Variants in PARP12 observed in about 807,000 individuals in gnomAD.
PARP12 encodes the protein poly(ADP-ribose) polymerase family member 12.
In PARP12, 59 loss-of-function variants were observed where a neutral mutation model predicts 72.4. The observed-to-expected ratio is 0.81, with a 90% CI of 0.66 to 1.01. The LOEUF (loss-of-function observed/expected upper bound fraction) is 1.01. Ranked by LOEUF, PARP12 falls within the 50% of genes least tolerant of loss-of-function variation. The probability of loss-of-function intolerance (pLI) is 0.00; values close to 1 mark genes in which losing one functional copy is unlikely to be tolerated. For synonymous variants in PARP12, 403 were observed against 371.4 expected (o/e 1.09, Z -0.98); for missense variants, 851 against 914.0 (o/e 0.93, Z 0.89).
At chr7:140,040,008 C>T (rs1206009857) in intron 6 of PARP12, among the ~76,000 whole-genome samples, 2 of 152,200 alleles carry the variant, frequency 1.3e-5, no homozygotes, top group South Asian at 2.1e-4. Context: ...TGTGATGAGA[C>T]ACCACCGGGG....
rs926578201 is a variant in PARP12, at chr7:140,024,200, G to A, written c.*360C>T. On this transcript the variant is annotated 3_prime_UTR_variant, in exon 12 of 12. Transcript: ENST00000263549. ...TGATGCCATGAGACTCTGAGAAACC[G>A]AATCACTGCAGAGACAAACTCATAA... 31 of 319,326 alleles carry A rather than the reference G, an allele frequency of 9.7e-5. No individual in the cohort carries two copies. Among genetic ancestry groups the A allele is most frequent in the African/African-American group, 6.3e-4 (29 of 46,140 alleles). 19.8% of individuals were successfully genotyped at this position (319,326 alleles called of 1,614,324 possible).
chr7:140,025,236 C>T (rs1035440562), intron 11 of PARP12: 2 of 320,218 alleles, frequency 6.2e-6, no homozygotes, highest in Middle Eastern at 1.0e-3. Context: ...TCAGCCCAAC[C>T]TTACAGGGTT....
chr7:140,034,221 C>A lies in PARP12; in HGVS notation c.1421+14G>T. 1 of 1,610,392 alleles carries A rather than the reference C, an allele frequency of 6.2e-7. No individual in the cohort carries two copies. Among genetic ancestry groups the A allele is most frequent in the Non-Finnish European group, 8.5e-7 (1 of 1,177,746 alleles). ...GATTACATCCTAAGTACCAAGCCCCCCACTGCAACCTACCAGGTTTGCATG... is the reference window on the plus strand; with the variant it reads ...GATTACATCCTAAGTACCAAGCCCCACACTGCAACCTACCAGGTTTGCATG... On this transcript the variant is annotated intron_variant, in intron 8 of 11. Transcript: ENST00000263549.
intron 11 of PARP12, 33 bp downstream of exon 11, chr7:140,026,164 G>C (rs118130826): frequency 5.1e-5 from 83 of 1,613,944 alleles, no homozygotes; most frequent in Admixed American, 1.7e-5. Flanking sequence ...AAAGCAACAT[G>C]GGTTTTGCTG....
At chr7:140,025,192 A>C in intron 11 of PARP12, 3 of 369,058 alleles carry the variant, frequency 8.1e-6, no homozygotes, top group East Asian at 5.9e-5. Flanking sequence ...TAATCCCCCA[A>C]ACCTCAGATT....
intron 11 of PARP12, 120 bp downstream of exon 11, chr7:140,026,077 C>T: frequency 1.4e-6 from 2 of 1,431,802 alleles, no homozygotes; most frequent in Non-Finnish European, 1.9e-6. Context: ...GGTACCACCA[C>T]ACATGGAGTC....
chr7:140,046,799 A>AGTGC (rs1816746979), intron 5 of PARP12, 85 bp downstream of exon 5: 1 of 821,234 alleles, frequency 1.2e-6, no homozygotes, highest in African/African-American at 2.5e-5. Context: ...GGCTGCTCAC[A>AGTGC]GTGTGTGTGT....
At chr7:140,029,678 G>C (rs1231577895) in intron 8 of PARP12, among the ~76,000 whole-genome samples, 1 of 152,018 alleles carries the variant, frequency 6.6e-6, no homozygotes, top group Non-Finnish European at 1.5e-5. Flanking sequence ...ACATATGCAA[G>C]GAACAGGAAA....
At chr7:140,035,215 G>A (rs949079226) in intron 7 of PARP12, among the ~76,000 whole-genome samples, 1 of 152,138 alleles carries the variant, frequency 6.6e-6, no homozygotes, top group South Asian at 2.1e-4. Flanking sequence ...ACTATTCCTG[G>A]AGGTCCATCC....
chr7:140,059,944 A>T (rs1817372003), intron 1 of PARP12, among the ~76,000 whole-genome samples: 2 of 152,242 alleles, frequency 1.3e-5, no homozygotes, highest in South Asian at 4.1e-4. Flanking sequence ...AGACAGCAAG[A>T]GAAAGGAAGA....
At chr7:140,053,183 G>GC (rs2116643852) in intron 4 of PARP12, among the ~76,000 whole-genome samples, 2 of 152,134 alleles carry the variant, frequency 1.3e-5, no homozygotes, top group South Asian at 4.2e-4. Flanking sequence ...CCAAAAACTG[G>GC]CAACAACCCA....
In PARP12 at chr7:140,041,744, G is replaced by C; in HGVS notation, c.1082C>G (p.Thr361Arg). 1 of 1,614,144 alleles carries C rather than the reference G, an allele frequency of 6.2e-7. No individual in the cohort carries two copies. Among genetic ancestry groups the C allele is most frequent in the Non-Finnish European group, 8.5e-7 (1 of 1,179,970 alleles). Residue 361 changes from threonine (T) to arginine (R), a missense_variant, in exon 6 of 12, where the codon ACG (threonine) becomes AGG (arginine). Thr to Arg is a moderately conservative substitution (Grantham distance 71, BLOSUM62 -1). Transcript: ENST00000263549. The part of the protein sequence containing the change: ...YGATQARRLS[T>R]ASSVTKPPHF... The stretch of plus-strand genomic sequence containing the variant: ...TGGAGGTTTGGTGACAGAGGAGGCC[G>C]TGGAGAGGCGGCGAGCCTGGGTAGC...
intron 4 of PARP12, among the ~76,000 whole-genome samples, chr7:140,050,545 T>C (rs1013846480): frequency 6.6e-6 from 1 of 152,120 alleles, no homozygotes; most frequent in African/African-American, 2.4e-5. Flanking sequence ...CCAACAGGTA[T>C]ACGGGATTCT....
In PARP12 at chr7:140,024,640, G is replaced by A. The variant is rs866789179; in HGVS notation, c.2026C>T (p.Gln676Ter). 1.2e-6 allele frequency: 2 copies of A among 1,614,040 alleles called. No individual in the cohort carries two copies. Among genetic ancestry groups the A allele is most frequent in the Admixed American group, 1.7e-5 (1 of 60,002 alleles). ...KHQVYPEYVI[Q>*]YTTSSKPSVT... Reference sequence around the variant, plus strand: ...GAGGGCTTGGAGGAGGTGGTGTACTGGATGACATACTCTGGGTAGACCTGG... The same window carrying A: ...GAGGGCTTGGAGGAGGTGGTGTACTAGATGACATACTCTGGGTAGACCTGG... Residue 676 changes from glutamine (Q) to a stop codon, truncating the protein, a stop_gained, in exon 12 of 12, where the codon CAG becomes TAG. Transcript: ENST00000263549. LOFTEE classifies it low-confidence loss of function (END_TRUNC).
Position 140,062,506 on chromosome 7 carries a change from C to G in PARP12, c.326+16G>C, listed in dbSNP as rs760986885. ...CAGGACCTCCGCCCGCCGTCGCTCC[C>G]GGCGCGGCGCCTTACCCGGCTCTCA... On this transcript the variant is annotated intron_variant, in intron 1 of 11. Transcript: ENST00000263549. 1 of 1,533,426 alleles carries G rather than the reference C, an allele frequency of 6.5e-7. No homozygotes were observed. Among genetic ancestry groups the G allele is most frequent in the South Asian group, 1.2e-5 (1 of 84,222 alleles). The allele number at this position is 1,533,426 out of a possible 1,614,324, so 95.0% of individuals were successfully genotyped here.
intron 6 of PARP12, among the ~76,000 whole-genome samples, chr7:140,039,473 C>T (rs1015912973): frequency 1.5e-4 from 23 of 152,200 alleles, no homozygotes; most frequent in African/African-American, 5.1e-4. Context: ...GAAGGAGAAA[C>T]CAACAATGGC....
At chr7:140,033,639 G>A (rs1283095477) in intron 8 of PARP12, 1 of 985,286 alleles carries the variant, frequency 1.0e-6, no homozygotes, top group Non-Finnish European at 1.2e-6. Context: ...GATAGGGTCT[G>A]ATCAGTACAA....
At chr7:140,050,770 T>C (rs1290434614) in intron 4 of PARP12, among the ~76,000 whole-genome samples, 1 of 152,108 alleles carries the variant, frequency 6.6e-6, no homozygotes, top group Non-Finnish European at 1.5e-5. Flanking sequence ...AGGCTTAGAA[T>C]AGGCAAATAT....
intron 4 of PARP12, among the ~76,000 whole-genome samples, chr7:140,051,742 G>C (rs1400698248): frequency 6.6e-6 from 1 of 152,146 alleles, no homozygotes; most frequent in African/African-American, 2.4e-5. Context: ...AGCCAAATCA[G>C]GACTGTAAAG....
Sources: gnomAD v4.1 joint callset for allele counts (sites outside exome capture counted in the v4.1 genomes callset) on GRCh38, gnomAD v4.1.1 for gene constraint, MANE v1.5 for transcripts, NCBI Gene and HGNC (gene_info 2026-07-23, HGNC 2026-07-21) for gene names.